The following STK38 variants were observed in gnomAD, a reference collection of about 807,000 sequenced individuals.
STK38 encodes the protein serine/threonine kinase 38.
A neutral mutation model predicts 59.0 loss-of-function variants in STK38; 26 were observed. That is an observed-to-expected ratio of 0.44 (90% CI 0.32 to 0.61). The LOEUF (loss-of-function observed/expected upper bound fraction) is 0.61, where lower values mean the gene tolerates loss of function less well. Among genes scored for constraint, STK38 ranks in the 20% least tolerant of loss-of-function variants. The pLI is 0.04. For missense variants in STK38, 433 were observed against 566.0 expected (o/e 0.76, Z 2.38); for synonymous variants, 175 against 176.6 (o/e 0.99, Z 0.07).
At chr6:36,529,017 A>C (rs1383742141) in intron 2 of STK38, among the ~76,000 whole-genome samples, 1 of 152,218 alleles carries the variant, frequency 6.6e-6, no homozygotes, top group Non-Finnish European at 1.5e-5. Context: ...TATCCAGAAA[A>C]AAAAAGCCTA....
In STK38 at chr6:36,498,461, G is replaced by A; in HGVS notation, c.978C>T (p.Thr326=). 7 of 1,612,758 alleles carry A rather than the reference G, an allele frequency of 4.3e-6. No homozygotes were observed. The highest frequency in any genetic ancestry group is 5.9e-6 in the Non-Finnish European group (7 of 1,179,686). ...TCACCTTCTTATATGTCTCTTGAGG[G>A]GTCTCAGAACAGAAAGGTGGGTAGC... ...LIGYPPFCSE[T]PQETYKKVMN... Residue 326 remains threonine, a synonymous_variant, in exon 11 of 14, where the codon ACC becomes ACT. Transcript: ENST00000229812.
chr6:36,513,579 C>T (rs1416759495), intron 7 of STK38, among the ~76,000 whole-genome samples: 1 of 151,974 alleles, frequency 6.6e-6, no homozygotes, highest in Non-Finnish European at 1.5e-5. Flanking sequence ...TCCCAAAGTG[C>T]TGGGATTATT....
In STK38 at chr6:36,513,965, C is replaced by T. The variant is rs545830784; in HGVS notation, c.669+1373G>A. 1.5e-4 allele frequency among the ~76,000 whole-genome samples: 22 copies of T among 150,416 alleles called. No homozygotes were observed. In the South Asian group the frequency reaches 4.7e-3, roughly 32 times the overall value. On this transcript the variant is annotated intron_variant, in intron 7 of 13. Transcript: ENST00000229812. ...GGTCAGGAGATCGAGACCATCATGG[C>T]TAACACCGTGAAACCCCGTCTCTAC...
At chr6:36,500,296 T>C (rs1020197675) in intron 9 of STK38, among the ~76,000 whole-genome samples, 2 of 151,978 alleles carry the variant, frequency 1.3e-5, no homozygotes, top group Non-Finnish European at 1.5e-5. Context: ...TTAATATATA[T>C]ATTACATGAG....
chr6:36,543,745 G>A (rs1156882899), intron 1 of STK38, among the ~76,000 whole-genome samples: 1 of 151,902 alleles, frequency 6.6e-6, no homozygotes, highest in African/African-American at 2.4e-5. Context: ...GGGTTCAAGC[G>A]ATTCTCCTGC....
intron 9 of STK38, among the ~76,000 whole-genome samples, chr6:36,504,364 T>A (rs931328827): frequency 1.3e-5 from 2 of 152,208 alleles, no homozygotes; most frequent in Non-Finnish European, 2.9e-5. Flanking sequence ...CCCAATGGAC[T>A]AAAAAGTAAT....
At chr6:36,508,173 T>C (rs1418695387) in intron 7 of STK38, among the ~76,000 whole-genome samples, 1 of 152,100 alleles carries the variant, frequency 6.6e-6, no homozygotes, top group African/African-American at 2.4e-5. Context: ...TGAGGTCAAG[T>C]GATCCTCCCA....
chr6:36,530,624 CA>C (rs985737858), intron 2 of STK38, among the ~76,000 whole-genome samples: 1 of 151,656 alleles, frequency 6.6e-6, no homozygotes, highest in African/African-American at 2.4e-5. Flanking sequence ...CTTGGCCTCT[CA>C]AAAAGTACAG....
chr6:36,510,789 C>T (rs1241104728), intron 7 of STK38, among the ~76,000 whole-genome samples: 2 of 152,158 alleles, frequency 1.3e-5, no homozygotes, highest in African/African-American at 4.8e-5. Flanking sequence ...AATGGCTTGC[C>T]GTTAAAATGG....
At chr6:36,514,634 G>T (rs1396838397) in intron 7 of STK38, among the ~76,000 whole-genome samples, 1 of 152,038 alleles carries the variant, frequency 6.6e-6, no homozygotes, top group Non-Finnish European at 1.5e-5. Context: ...GTAAGTTTAG[G>T]AACTAGGCAA....
chr6:36,540,256 C>T, intron 1 of STK38, 49 bp from the exon 2 acceptor site: 2 of 1,597,382 alleles, frequency 1.3e-6, no homozygotes, highest in East Asian at 2.2e-5. Flanking sequence ...TAGAATCCAC[C>T]CAGTGTGCAC....
chr6:36,545,644 T>C (rs1413566845), intron 1 of STK38, among the ~76,000 whole-genome samples: 1 of 152,212 alleles, frequency 6.6e-6, no homozygotes, highest in Non-Finnish European at 1.5e-5. Context: ...TAGCAATTCA[T>C]AGATTTACTG....
intron 2 of STK38, among the ~76,000 whole-genome samples, chr6:36,525,996 G>C (rs780979900): frequency 6.6e-6 from 1 of 152,012 alleles, no homozygotes; most frequent in Non-Finnish European, 1.5e-5. Flanking sequence ...GACTACAGGC[G>C]CGTGCCACCA....
At chr6:36,515,214 A>T in intron 7 of STK38, 124 bp downstream of exon 7, 1 of 1,130,722 alleles carries the variant, frequency 8.8e-7, no homozygotes, top group Non-Finnish European at 1.2e-6. Flanking sequence ...TAAAAAAAAA[A>T]GGAAAATCAT....
chr6:36,544,785 T>C (rs191104071), intron 1 of STK38, among the ~76,000 whole-genome samples: 13 of 152,154 alleles, frequency 8.5e-5, no homozygotes, highest in African/African-American at 3.1e-4. Flanking sequence ...GGTGGGAGGA[T>C]TGCTTGAGCT....
chr6:36,523,741 A>C (rs1036261051), intron 4 of STK38, among the ~76,000 whole-genome samples: 6 of 152,354 alleles, frequency 3.9e-5, no homozygotes, highest in African/African-American at 1.4e-4. Context: ...GCGGGGACAA[A>C]GTCGCAAATG....
chr6:36,501,365 A>G (rs181849490), intron 9 of STK38, among the ~76,000 whole-genome samples: 261 of 152,304 alleles, frequency 1.7e-3, no homozygotes, highest in Middle Eastern at 3.4e-3. Flanking sequence ...GAGGGCTTCC[A>G]TGTGTAAGGC....
At chr6:36,501,889 C>T (rs931321265) in intron 9 of STK38, among the ~76,000 whole-genome samples, 2 of 152,174 alleles carry the variant, frequency 1.3e-5, no homozygotes, top group Non-Finnish European at 1.5e-5. Flanking sequence ...ACAAATAACA[C>T]CTGAATAAAC....
At chr6:36,499,686 G>A (rs1473140361) in intron 10 of STK38, among the ~76,000 whole-genome samples, 187 bp downstream of exon 10, 1 of 152,228 alleles carries the variant, frequency 6.6e-6, no homozygotes, top group Non-Finnish European at 1.5e-5. Context: ...ATTGCAGGAT[G>A]CCAGTAAGCC....
Sources: gnomAD v4.1 joint callset for allele counts (sites outside exome capture counted in the v4.1 genomes callset) on GRCh38, gnomAD v4.1.1 for gene constraint, MANE v1.5 for transcripts, NCBI Gene and HGNC (gene_info 2026-07-23, HGNC 2026-07-21) for gene names.